Variants in DCC observed in about 807,000 individuals in gnomAD.
The protein encoded by DCC is DCC netrin 1 receptor.
In DCC, 58 loss-of-function variants were observed where a neutral mutation model predicts 172.5. The observed-to-expected ratio is 0.34, with a 90% confidence interval of 0.27 to 0.42. The LOEUF is 0.42. Among genes scored for constraint, DCC ranks in the 10% least tolerant of loss-of-function variants. DCC has a pLI of 1.00. For synonymous variants in DCC, 709 were observed against 644.5 expected (o/e 1.10, Z -1.52); for missense variants, 1,740 against 1,791.0 (o/e 0.97, Z 0.51).
At chr18:52,942,761 C>T (rs1002552670) in intron 5 of DCC, among the ~76,000 whole-genome samples, 4 of 152,150 alleles carry the variant, frequency 2.6e-5, no homozygotes, top group African/African-American at 9.7e-5. Flanking sequence ...TATGGAAGTA[C>T]AATTCAACAT....
At chr18:52,449,066 G>A (rs570675726) in intron 1 of DCC, among the ~76,000 whole-genome samples, 2 of 152,210 alleles carry the variant, frequency 1.3e-5, no homozygotes, top group African/African-American at 4.8e-5. Flanking sequence ...CATGCCAGAA[G>A]GCAAGAAGGA....
chr18:52,916,837 G>C (rs1473616320), intron 3 of DCC, among the ~76,000 whole-genome samples: 1 of 151,956 alleles, frequency 6.6e-6, no homozygotes, highest in East Asian at 1.9e-4. Flanking sequence ...CAACATAACA[G>C]AACAATGTCA....
chr18:52,948,327 T>C (rs1323816920), intron 5 of DCC, among the ~76,000 whole-genome samples: 1 of 152,078 alleles, frequency 6.6e-6, no homozygotes, highest in Non-Finnish European at 1.5e-5. Context: ...TGTGTGTGTG[T>C]GTGTGTGTCT....
intron 1 of DCC, among the ~76,000 whole-genome samples, chr18:52,416,053 AG>A (rs757617964): frequency 5.9e-4 from 90 of 151,990 alleles, no homozygotes; most frequent in Admixed American, 1.3e-3. Flanking sequence ...AATGTGTCCC[AG>A]AGATTCTGGT....
chr18:53,194,328 C>T (rs755221696), intron 9 of DCC, among the ~76,000 whole-genome samples: 28 of 151,986 alleles, frequency 1.8e-4, no homozygotes, highest in Non-Finnish European at 3.1e-4. Flanking sequence ...AAATGAAACT[C>T]GATGTGGATT....
At chr18:52,655,638 A>T in intron 1 of DCC, among the ~76,000 whole-genome samples, 1 of 152,134 alleles carries the variant, frequency 6.6e-6, no homozygotes, top group South Asian at 2.1e-4. Flanking sequence ...TCCACTTTTT[A>T]TATGCAGATT....
At chr18:53,083,445 G>A (rs2042834261) in intron 7 of DCC, among the ~76,000 whole-genome samples, 1 of 152,120 alleles carries the variant, frequency 6.6e-6, no homozygotes, top group Non-Finnish European at 1.5e-5. Context: ...ATTTTATACA[G>A]CTGTCAAGAA....
chr18:52,878,007 G>A (rs1943098), intron 2 of DCC, among the ~76,000 whole-genome samples: 2 of 151,550 alleles, frequency 1.3e-5, no homozygotes, highest in African/African-American at 2.4e-5. Context: ...TGTGTCTCTG[G>A]GGCTAAATAT....
intron 1 of DCC, among the ~76,000 whole-genome samples, chr18:52,620,951 A>C (rs1023239941): frequency 2.6e-5 from 4 of 152,184 alleles, no homozygotes; most frequent in African/African-American, 9.7e-5. Context: ...GACTTTCCCC[A>C]GAGGTATTGC....
At chr18:53,036,921 T>A (rs2042102044) in intron 5 of DCC, among the ~76,000 whole-genome samples, 2 of 151,980 alleles carry the variant, frequency 1.3e-5, no homozygotes, top group South Asian at 4.1e-4. Flanking sequence ...AGATAAAGAT[T>A]AGTCTGAAGC....
chr18:52,364,432 A>C (rs910813533), intron 1 of DCC, among the ~76,000 whole-genome samples: 1 of 152,244 alleles, frequency 6.6e-6, no homozygotes, highest in Non-Finnish European at 1.5e-5. Flanking sequence ...TCTTAATAGT[A>C]AATAAATTAT....
rs914429098 is a variant in DCC at position 52,597,016 on chromosome 18, A to AT, written c.92-155028dup. Among the ~76,000 whole-genome samples the AT allele has an allele frequency of 7.1e-4, 107 of 149,788 alleles. 1 individual carries two copies. The highest frequency in any genetic ancestry group is 4.7e-3 in the South Asian group (22 of 4,692). ...CCTTCCTTTGCATAGGGGCTTTGTG[A>AT]TTTTTTTTTTCCTGTTTTGTTTCAC... is the stretch of plus-strand genomic sequence containing the variant. On this transcript the variant is annotated intron_variant, in intron 1 of 28. Coordinates refer to ENST00000442544, the MANE Select transcript of DCC (RefSeq NM_005215.4).
In DCC at chr18:52,829,689, T is replaced by C. The variant is rs150926809; in HGVS notation, c.413-76355T>C. The stretch of plus-strand genomic sequence containing the variant: ...AGATCTGTGTTCACATGCATATATA[T>C]TTATGTATTACTCACCAAAAATTAC... On this transcript the variant is annotated intron_variant, in intron 2 of 28. Transcript: ENST00000442544. Among the ~76,000 whole-genome samples, 14 of 152,292 alleles carry C rather than the reference T, an allele frequency of 9.2e-5. No homozygotes were observed. The East Asian group carries it at 9.6e-4, about 10-fold the overall frequency.
intron 1 of DCC, among the ~76,000 whole-genome samples, chr18:52,676,017 T>C (rs1178749049): frequency 1.3e-5 from 2 of 152,220 alleles, no homozygotes; most frequent in East Asian, 1.9e-4. Flanking sequence ...TAGTTTTTTG[T>C]GATTATTCAA....
At chr18:52,924,974 A>T (rs549123319) in intron 4 of DCC, among the ~76,000 whole-genome samples, 246 of 150,108 alleles carry the variant, frequency 1.6e-3, no homozygotes, top group African/African-American at 5.2e-3. Flanking sequence ...ATTATCTATC[A>T]TTTTTTTTTT....
chr18:53,347,852 G>T (rs2057743424), intron 15 of DCC, among the ~76,000 whole-genome samples: 1 of 152,114 alleles, frequency 6.6e-6, no homozygotes, highest in South Asian at 2.1e-4. Context: ...GATCTCATGA[G>T]GCTCATTCAC....
At chr18:52,883,351 TG>T (rs375775209) in intron 2 of DCC, among the ~76,000 whole-genome samples, 78 of 12,716 alleles carry the variant, frequency 6.1e-3, no homozygotes, top group East Asian at 0.011. Flanking sequence ...TATTTATTTA[TG>T]TGTGTGTGTG....
intron 1 of DCC, among the ~76,000 whole-genome samples, chr18:52,498,340 C>T (rs752286656): frequency 6.6e-6 from 1 of 152,096 alleles, no homozygotes; most frequent in East Asian, 1.9e-4. Flanking sequence ...ATGATGGATA[C>T]TGGCCAGGCA....
At chr18:53,430,703 A>T (rs923139447) in intron 21 of DCC, among the ~76,000 whole-genome samples, 1 of 152,178 alleles carries the variant, frequency 6.6e-6, no homozygotes, top group Non-Finnish European at 1.5e-5. Flanking sequence ...ATAACTTAAG[A>T]TTTGTACTTA....
Sources: gnomAD v4.1 joint callset for allele counts (sites outside exome capture counted in the v4.1 genomes callset) on GRCh38, gnomAD v4.1.1 for gene constraint, MANE v1.5 for transcripts, NCBI Gene and HGNC (gene_info 2026-07-23, HGNC 2026-07-21) for gene names.